The following CAMK1D variants were observed in gnomAD, a reference collection of about 807,000 sequenced individuals.
The protein encoded by CAMK1D is calcium/calmodulin-dependent protein kinase type 1D.
Under a neutral mutation model 47.7 loss-of-function variants are expected in CAMK1D, and 9 were observed. That is an observed-to-expected ratio of 0.19 (90% CI 0.11 to 0.33). The LOEUF (loss-of-function observed/expected upper bound fraction) is 0.33. Among genes scored for constraint, CAMK1D ranks in the 10% least tolerant of loss-of-function variants. CAMK1D has a pLI of 1.00. For missense variants in CAMK1D, 291 were observed against 488.7 expected (o/e 0.60, Z 3.81); for synonymous variants, 184 against 184.9 (o/e 0.99, Z 0.04).
rs1486533361 is a variant in CAMK1D, at chr10:12,694,169, A to T, written c.299+27359A>T. 4.4e-4 allele frequency among the ~76,000 whole-genome samples: 19 copies of T among 43,396 alleles called. 3 individuals carry two copies. The highest frequency in any genetic ancestry group is 1.5e-3 in the African/African-American group (17 of 11,244). The allele number at this position is 43,396 out of a possible 152,430, so 28.5% of individuals were successfully genotyped here. On this transcript the variant is annotated intron_variant, in intron 3 of 10. Coordinates refer to ENST00000619168, the MANE Select transcript of CAMK1D (RefSeq NM_153498.4). ...TAATATATAATATATATTATGCATA[A>T]TATATATTATATATAATATAATATA...
rs200984504 is a variant in CAMK1D, at chr10:12,816,356, C to G, written c.833+28C>G. ...AAGGAAATGCACCCGCTCAGCAGACCGTGCCATTTAATGCCATCTGGGGGG... is the reference window on the plus strand; with the variant it reads ...AAGGAAATGCACCCGCTCAGCAGACGGTGCCATTTAATGCCATCTGGGGGG... On this transcript the variant is annotated intron_variant, in intron 8 of 10. Transcript: ENST00000619168. The G allele has an allele frequency of 8.3e-5, 132 of 1,599,356 alleles. 1 individual carries two copies. In the East Asian group the frequency reaches 2.8e-3, roughly 34 times the overall value.
intron 3 of CAMK1D, among the ~76,000 whole-genome samples, chr10:12,719,045 G>A (rs1200964643): frequency 6.6e-6 from 1 of 152,168 alleles, no homozygotes; most frequent in Non-Finnish European, 1.5e-5. Flanking sequence ...TCATCAAAAA[G>A]AAATAGAGAC....
intron 2 of CAMK1D, among the ~76,000 whole-genome samples, chr10:12,588,455 T>C (rs971534118): frequency 6.6e-6 from 1 of 152,184 alleles, no homozygotes; most frequent in African/African-American, 2.4e-5. Flanking sequence ...AAGTGCTCGC[T>C]AATTGTTTTG....
chr10:12,637,411 G>C (rs1839540204), intron 2 of CAMK1D, among the ~76,000 whole-genome samples: 1 of 152,206 alleles, frequency 6.6e-6, no homozygotes, highest in South Asian at 2.1e-4. Flanking sequence ...TCCCTTCAGT[G>C]TTGCGATTAC....
chr10:12,389,283 G>T (rs1838635339), intron 1 of CAMK1D, among the ~76,000 whole-genome samples: 1 of 152,112 alleles, frequency 6.6e-6, no homozygotes, highest in Non-Finnish European at 1.5e-5. Flanking sequence ...TGCCAGCCCC[G>T]GGTCTGTGCC....
intron 1 of CAMK1D, among the ~76,000 whole-genome samples, chr10:12,506,335 G>C (rs1381373799): frequency 6.6e-6 from 1 of 152,040 alleles, no homozygotes; most frequent in Non-Finnish European, 1.5e-5. Flanking sequence ...CTGGAGAATT[G>C]CTTGAACCTG....
At chr10:12,387,375 TATATA>T (rs1289351226) in intron 1 of CAMK1D, among the ~76,000 whole-genome samples, 7 of 32,838 alleles carry the variant, frequency 2.1e-4, no homozygotes, top group Non-Finnish European at 6.8e-4. Flanking sequence ...ATATATATAT[TATATA>T]TTATATATAT....
Position 12,825,710 on chromosome 10 carries a change from A to G in CAMK1D, c.1039+20A>G, listed in dbSNP as rs1833180801. The G allele has an allele frequency of 6.2e-7, 1 of 1,614,014 alleles. No individual in the cohort carries two copies. Among genetic ancestry groups the G allele is most frequent in the South Asian group, 1.1e-5 (1 of 91,060 alleles). On this transcript the variant is annotated intron_variant, in intron 10 of 10. Coordinates refer to ENST00000619168, the MANE Select transcript of CAMK1D (RefSeq NM_153498.4). ...AAGACTGTGCGTATGTAGCAAAACC[A>G]GAATCCCTCAGCTGACACTGAAGAC... is the stretch of plus-strand genomic sequence containing the variant.
intron 1 of CAMK1D, among the ~76,000 whole-genome samples, chr10:12,464,746 C>T (rs4500397): frequency 0.4 from 59,856 of 150,128 alleles, 12,776 homozygotes; most frequent in Non-Finnish European, 0.48. Context: ...ACCCGGGAGG[C>T]GGAGCTTGCA....
intron 1 of CAMK1D, among the ~76,000 whole-genome samples, chr10:12,546,890 A>G (rs185040045): frequency 6.6e-6 from 1 of 152,218 alleles, no homozygotes; most frequent in Non-Finnish European, 1.5e-5. Flanking sequence ...GCACACCAAC[A>G]TGGCACATGT....
intron 2 of CAMK1D, among the ~76,000 whole-genome samples, chr10:12,575,247 C>T (rs113870198): frequency 0.011 from 1,703 of 152,124 alleles, 26 homozygotes; most frequent in African/African-American, 0.039. Context: ...GTCCTGCCAC[C>T]GGGCCCGGCT....
At chr10:12,739,311 T>C (rs910545979) in intron 3 of CAMK1D, among the ~76,000 whole-genome samples, 5 of 151,920 alleles carry the variant, frequency 3.3e-5, no homozygotes, top group African/African-American at 1.2e-4. Context: ...TCTTGCTCTG[T>C]TGCTCAGGCT....
rs149481949 is a variant in CAMK1D, at chr10:12,577,478, A to G, written c.224+24122A>G. ...CTTTTCTTCTTTATTTAAAGAACTAAATTAAGCATTTTAAACCATATAATA... is the reference window on the plus strand; with the variant it reads ...CTTTTCTTCTTTATTTAAAGAACTAGATTAAGCATTTTAAACCATATAATA... On this transcript the variant is annotated intron_variant, in intron 2 of 10. Coordinates refer to ENST00000619168, the MANE Select transcript of CAMK1D (RefSeq NM_153498.4). Among the ~76,000 whole-genome samples, 864 of 152,348 alleles carry G rather than the reference A, an allele frequency of 5.7e-3. 6 individuals carry two copies. The highest frequency in any genetic ancestry group is 0.02 in the African/African-American group (831 of 41,572).
chr10:12,383,711 C>A (rs768125494), intron 1 of CAMK1D, among the ~76,000 whole-genome samples: 10 of 152,150 alleles, frequency 6.6e-5, no homozygotes, highest in Non-Finnish European at 1.2e-4. Flanking sequence ...TAACCTTTTA[C>A]ACAAATAGTT....
At chr10:12,363,249 T>TG (rs1313195012) in intron 1 of CAMK1D, among the ~76,000 whole-genome samples, 5 of 151,950 alleles carry the variant, frequency 3.3e-5, no homozygotes, top group Admixed American at 6.6e-5. Flanking sequence ...CCTGTTTTTT[T>TG]TTTGTTTGTT....
At chr10:12,553,423 GC>G in intron 2 of CAMK1D, 67 bp downstream of exon 2, 1 of 1,368,454 alleles carries the variant, frequency 7.3e-7, no homozygotes, top group Non-Finnish European at 1.0e-6. Flanking sequence ...CAGGAGTCCT[GC>G]CCCGGAGGCA....
At chr10:12,360,924 C>T (rs760611665) in intron 1 of CAMK1D, among the ~76,000 whole-genome samples, 33 of 152,132 alleles carry the variant, frequency 2.2e-4, no homozygotes, top group Non-Finnish European at 3.2e-4. Context: ...ACCATGGACG[C>T]CAGGGCTTCT....
chr10:12,533,807 G>T (rs1181369077), intron 1 of CAMK1D, among the ~76,000 whole-genome samples: 2 of 152,170 alleles, frequency 1.3e-5, no homozygotes, highest in African/African-American at 2.4e-5. Flanking sequence ...GGTCTGCAAG[G>T]CTAGTATGGT....
chr10:12,532,105 A>T (rs1835822580), intron 1 of CAMK1D, among the ~76,000 whole-genome samples: 1 of 152,222 alleles, frequency 6.6e-6, no homozygotes, highest in African/African-American at 2.4e-5. Flanking sequence ...TTGAGCAATT[A>T]AATCATTCCT....
Sources: gnomAD v4.1 joint callset for allele counts (sites outside exome capture counted in the v4.1 genomes callset) on GRCh38, gnomAD v4.1.1 for gene constraint, MANE v1.5 for transcripts, NCBI Gene and HGNC (gene_info 2026-07-23, HGNC 2026-07-21) for gene names.